DOCK11: variants seen among roughly 807,000 people sequenced by gnomAD.
The protein encoded by DOCK11 is dedicator of cytokinesis protein 11.
In DOCK11, 70 loss-of-function variants were observed where a neutral mutation model predicts 169.1. That is an observed-to-expected ratio of 0.41 (90% CI 0.34 to 0.51). The LOEUF (loss-of-function observed/expected upper bound fraction) is 0.51, where lower values mean the gene tolerates loss of function less well. Ranked by LOEUF, DOCK11 falls within the 20% of genes least tolerant of loss-of-function variation. DOCK11 has a pLI of 0.10. For synonymous variants in DOCK11, 529 were observed against 541.3 expected, an observed-to-expected ratio of 0.98 and a Z score of 0.32; for missense variants, 1,166 against 1,538.8, an observed-to-expected ratio of 0.76 and a Z score of 4.05.
intron 33 of DOCK11, 49 bp from the exon 34 acceptor site, chrX:118,628,114 G>A: frequency 2.5e-6 from 2 of 787,605 alleles, no homozygotes; most frequent in South Asian, 4.7e-5. Flanking sequence ...AAATATTTCT[G>A]ACAGTTCCCC....
Position 118,525,144 on chromosome X carries a change from C to CA in DOCK11, c.103-17567dup, listed in dbSNP as rs369554511. Among the ~76,000 whole-genome samples the CA allele has an allele frequency of 1.6e-3, 128 of 79,156 alleles. 1 individual carries two copies. The highest frequency in any genetic ancestry group is 3.2e-3 in the African/African-American group (68 of 21,063). 68.7% of individuals were successfully genotyped at this position (79,156 alleles called of 115,157 possible). On this transcript the variant is annotated intron_variant, in intron 1 of 52. Coordinates refer to ENST00000276202, the MANE Select transcript of DOCK11 (RefSeq NM_144658.4). ...TGGGTGACAGAGCGAGACTCTGTCTCAAAAAAAAAAAAAAGTATTACCATA... is the reference window on the plus strand; with the variant it reads ...TGGGTGACAGAGCGAGACTCTGTCTCAAAAAAAAAAAAAAAGTATTACCATA...
chrX:118,598,069 C>A lies in DOCK11; in HGVS notation c.2425C>A (p.Pro809Thr). The A allele has an allele frequency of 8.4e-7, 1 of 1,197,374 alleles. No homozygotes were observed. ...TATTAAATGGGTAGATGGTGCAAAG[C>A]CTTTGTTGAAGATTAAAAGCCACTT... ...VDIKWVDGAK[P>T]LLKIKSHLES... is the part of the protein sequence containing the mutation. The change falls in exon 22 of 53, where the codon CCT becomes ACT. Residue 809 changes from proline to threonine, a missense_variant. By Grantham distance (38) the Pro-to-Thr change is conservative. Coordinates refer to ENST00000276202, the MANE Select transcript of DOCK11 (RefSeq NM_144658.4).
At chrX:118,682,960 T>TA (rs2016777394) in intron 51 of DOCK11, 119 bp from the exon 52 acceptor site, 1 of 650,406 alleles carries the variant, frequency 1.5e-6, no homozygotes, top group Non-Finnish European at 2.3e-6. Flanking sequence ...AGTGAGAAAA[T>TA]AGAGGATTCT....
rs747279311 is a variant in DOCK11 at position 118,648,932 on chromosome X, C to T, written c.4399-13C>T. On this transcript the variant is annotated splice_polypyrimidine_tract_variant and intron_variant, in intron 40 of 52. Coordinates refer to ENST00000276202, the MANE Select transcript of DOCK11 (RefSeq NM_144658.4). ...GATTTTAAATACTTATTTCTGTTTT[C>T]CCTGTTCTTTAGTTTCCTTCAGCAT... 56 of 1,157,447 alleles carry T rather than the reference C, an allele frequency of 4.8e-5. No homozygotes were observed. In the Admixed American group the frequency reaches 1.5e-3, roughly 31 times the overall value.
intron 6 of DOCK11, among the ~76,000 whole-genome samples, chrX:118,548,772 C>A (rs1050501192): frequency 1.8e-5 from 2 of 112,051 alleles, no homozygotes; most frequent in Non-Finnish European, 3.8e-5. Flanking sequence ...TTCTAACCTG[C>A]GAAACTATAA....
At chrX:118,594,059 A>G (rs750701453) in intron 20 of DOCK11, among the ~76,000 whole-genome samples, 3 of 111,949 alleles carry the variant, frequency 2.7e-5, no homozygotes, top group African/African-American at 9.7e-5. Flanking sequence ...GCCCAGAGCC[A>G]GGGACATCTG....
intron 27 of DOCK11, 119 bp from the exon 28 acceptor site, chrX:118,610,153 G>A (rs1312030721): frequency 1.4e-6 from 1 of 711,886 alleles, no homozygotes; most frequent in Non-Finnish European, 2.1e-6. Flanking sequence ...TAAGTTGGGA[G>A]AACAATTATA....
chrX:118,615,970 A>G (rs1411655878), intron 30 of DOCK11, among the ~76,000 whole-genome samples: 1 of 111,949 alleles, frequency 8.9e-6, no homozygotes, highest in African/African-American at 3.2e-5. Flanking sequence ...TTTCTGTAGT[A>G]GTGTTTGGGA....
chrX:118,500,067 T>C (rs959016693), intron 1 of DOCK11, among the ~76,000 whole-genome samples: 1 of 109,707 alleles, frequency 9.1e-6, no homozygotes, highest in Non-Finnish European at 1.9e-5. Flanking sequence ...TTTTTTTTTT[T>C]AGACGGAATC....
chrX:118,557,193 C>A (rs1293004416), intron 6 of DOCK11, among the ~76,000 whole-genome samples: 2 of 111,192 alleles, frequency 1.8e-5, no homozygotes, highest in African/African-American at 6.5e-5. Flanking sequence ...AAAGAGACGG[C>A]AAATAAAACA....
chrX:118,599,191 C>G lies in DOCK11; in HGVS notation c.2525C>G (p.Ser842Trp). The part of the protein sequence containing the change: ...FHHCQLIQSG[S>W]KEVPGELIKY... ...CATTGCCAGCTGATTCAGTCAGGCTCGAAAGAAGTTCCAGGGGAGCTCATT... is the reference window on the plus strand; with the variant it reads ...CATTGCCAGCTGATTCAGTCAGGCTGGAAAGAAGTTCCAGGGGAGCTCATT... The change falls in exon 23 of 53, where the codon TCG becomes TGG. Residue 842 changes from serine (S) to tryptophan (W), a missense_variant. Coordinates refer to ENST00000276202, the MANE Select transcript of DOCK11 (RefSeq NM_144658.4). 2 of 1,209,219 alleles carry G rather than the reference C, an allele frequency of 1.7e-6. No individual in the cohort carries two copies. Among genetic ancestry groups the G allele is most frequent in the South Asian group, 1.8e-5 (1 of 56,806 alleles).
intron 23 of DOCK11, among the ~76,000 whole-genome samples, chrX:118,603,916 CA>C (rs1358312872): frequency 2.7e-5 from 3 of 112,148 alleles, no homozygotes; most frequent in African/African-American, 9.7e-5. Context: ...TTGTAGAGAA[CA>C]GTGATGATTG....
chrX:118,666,026 G>A (rs961216510), intron 45 of DOCK11, among the ~76,000 whole-genome samples: 1 of 111,476 alleles, frequency 9.0e-6, no homozygotes, highest in Admixed American at 9.5e-5. Context: ...GGGAGGCCAA[G>A]GCAGGCAGAT....
At chrX:118,621,989 G>A (rs1418694488) in intron 31 of DOCK11, among the ~76,000 whole-genome samples, 1 of 111,629 alleles carries the variant, frequency 9.0e-6, no homozygotes, top group Admixed American at 9.6e-5. Context: ...GAACAAGAAT[G>A]TTCAATATCT....
chrX:118,636,421 T>C lies in DOCK11; in HGVS notation c.3953+9T>C, dbSNP rs768271975. 1 of 971,607 alleles carries C rather than the reference T, an allele frequency of 1.0e-6. No individual in the cohort carries two copies. The highest frequency in any genetic ancestry group is 2.8e-5 in the Admixed American group (1 of 35,839). The allele number at this position is 971,607 out of a possible 1,213,427, so 80.1% of individuals were successfully genotyped here. A position where few individuals can be genotyped will look rare whatever the true frequency, so the allele number is the denominator to read the frequency against. On this transcript the variant is annotated intron_variant, in intron 36 of 52. Transcript: ENST00000276202. ...ATTCTTATACTTTTAGAGTAAGTTA[T>C]ATTAATTTATCTTCATATACTTTCC...
At chrX:118,618,849 C>A in intron 31 of DOCK11, 121 bp downstream of exon 31, 1 of 568,621 alleles carries the variant, frequency 1.8e-6, no homozygotes, top group Non-Finnish European at 2.5e-6. Context: ...TTTATTTTTG[C>A]TTCAAATCAT....
chrX:118,672,446 T>A (rs1569446988), intron 46 of DOCK11, among the ~76,000 whole-genome samples: 1 of 112,805 alleles, frequency 8.9e-6, no homozygotes, highest in Non-Finnish European at 1.9e-5. Flanking sequence ...TTATTTAGTT[T>A]TTTTGAGACG....
chrX:118,635,698 C>CT (rs2015370153), intron 35 of DOCK11, among the ~76,000 whole-genome samples: 1 of 111,597 alleles, frequency 9.0e-6, no homozygotes. Flanking sequence ...AGTGATTCTC[C>CT]TGCCTCAGCC....
chrX:118,565,202 A>G lies in DOCK11; in HGVS notation c.694-803A>G, dbSNP rs759961123. Among the ~76,000 whole-genome samples the G allele has an allele frequency of 5.8e-4, 65 of 111,304 alleles. No individual in the cohort carries two copies. The Admixed American group carries it at 6.1e-3, about 11-fold the overall frequency. ...GCAATCCGCCCACCTCTGTCTCCCA[A>G]AGTGCTAGGACTACAGGTGTGGGCC... On this transcript the variant is annotated intron_variant, in intron 7 of 52. Transcript: ENST00000276202.
Sources: allele counts gnomAD v4.1 joint callset (sites outside exome capture counted in the v4.1 genomes callset), GRCh38; gene constraint gnomAD v4.1.1; transcripts MANE v1.5; gene names NCBI Gene and HGNC (gene_info 2026-07-23, HGNC 2026-07-21).